The following NUBPL variants were observed in gnomAD, a reference collection of about 807,000 sequenced individuals.
NUBPL encodes the protein NUBP iron-sulfur cluster assembly factor, mitochondrial.
In NUBPL, 31 loss-of-function variants were observed where a neutral mutation model predicts 45.7. The observed-to-expected ratio is 0.68, with a 90% CI of 0.51 to 0.92. The LOEUF is 0.92. Among genes scored for constraint, NUBPL ranks in the 40% least tolerant of loss-of-function variants. The pLI is 0.00. For missense variants in NUBPL, 401 were observed against 398.7 expected (o/e 1.01, Z -0.05); for synonymous variants, 144 against 140.9 (o/e 1.02, Z -0.15).
chr14:31,819,604 C>G (rs2039980742), intron 7 of NUBPL, among the ~76,000 whole-genome samples: 1 of 152,178 alleles, frequency 6.6e-6, no homozygotes. Context: ...ACTCTGAACT[C>G]TGACCCAAAT....
chr14:31,703,769 G>A (rs888159077), intron 6 of NUBPL, among the ~76,000 whole-genome samples: 1 of 152,212 alleles, frequency 6.6e-6, no homozygotes, highest in Non-Finnish European at 1.5e-5. Flanking sequence ...ACAGAGCCAA[G>A]CCATATCAAT....
At chr14:31,776,806 A>G (rs988255821) in intron 6 of NUBPL, among the ~76,000 whole-genome samples, 1 of 152,224 alleles carries the variant, frequency 6.6e-6, no homozygotes. Flanking sequence ...CACTCTAGCT[A>G]GTTCCTGCTG....
intron 7 of NUBPL, among the ~76,000 whole-genome samples, chr14:31,804,001 C>T (rs912211574): frequency 6.6e-6 from 1 of 152,106 alleles, no homozygotes; most frequent in Admixed American, 6.6e-5. Context: ...TCAAGGGATT[C>T]TCCCACCTTA....
At position 31,853,111 on chromosome 14, in the gene NUBPL, T is replaced by TG. The variant is rs2040565656; in HGVS notation, c.897+2911dup. Among the ~76,000 whole-genome samples the TG allele has an allele frequency of 4.0e-5, 6 of 150,282 alleles. No individual in the cohort carries two copies. The South Asian group carries it at 1.3e-3, about 31-fold the overall frequency. ...TGTTTTGTTTTGTTTTGTTTTGTTT[T>TG]GTTTTGTTTGAGACAGGATCTTACT... On this transcript the variant is annotated intron_variant, in intron 10 of 10. Transcript: ENST00000281081.
chr14:31,794,004 G>T (rs1365916708), intron 7 of NUBPL, among the ~76,000 whole-genome samples: 1 of 91,304 alleles, frequency 1.1e-5, no homozygotes, highest in African/African-American at 4.6e-5. Context: ...TCTTGCGATA[G>T]TTTACTGAGA....
chr14:31,760,144 T>TGTGTGTGTGTGTGTGTGTGTGTGTGA, intron 6 of NUBPL, among the ~76,000 whole-genome samples: 1 of 34,840 alleles, frequency 2.9e-5, no homozygotes, highest in Non-Finnish European at 5.4e-5. Flanking sequence ...TGTGTGTGTG[T>TGTGTGTGTGTGTGTGTGTGTGTGTGA]GAGAGAGAGA....
chr14:31,840,586 A>G (rs1237906740), intron 8 of NUBPL, among the ~76,000 whole-genome samples: 2 of 119,744 alleles, frequency 1.7e-5, no homozygotes, highest in Non-Finnish European at 3.9e-5. Context: ...AAAAAAAAAA[A>G]AAAAGAAAAA....
At chr14:31,582,773 C>T (rs1566427228) in intron 3 of NUBPL, among the ~76,000 whole-genome samples, 1 of 151,876 alleles carries the variant, frequency 6.6e-6, no homozygotes, top group Non-Finnish European at 1.5e-5. Context: ...CATGTCTTTA[C>T]AAAAGTAGCC....
At chr14:31,734,941 A>G (rs1041178654) in intron 6 of NUBPL, among the ~76,000 whole-genome samples, 15 of 152,178 alleles carry the variant, frequency 9.9e-5, no homozygotes, top group Admixed American at 2.6e-4. Context: ...ATTAAGTTTT[A>G]TAGTCCCTAC....
chr14:31,701,879 T>A (rs2037348126), intron 6 of NUBPL, among the ~76,000 whole-genome samples: 1 of 152,210 alleles, frequency 6.6e-6, no homozygotes, highest in Non-Finnish European at 1.5e-5. Context: ...TTGGATTACT[T>A]TCAAATCATT....
chr14:31,834,660 C>A (rs958228465), intron 8 of NUBPL, among the ~76,000 whole-genome samples: 1 of 152,146 alleles, frequency 6.6e-6, no homozygotes, highest in African/African-American at 2.4e-5. Context: ...TCTCAGAAGT[C>A]TATGTATGCT....
At chr14:31,800,073 A>G (rs2039556405) in intron 7 of NUBPL, among the ~76,000 whole-genome samples, 1 of 152,052 alleles carries the variant, frequency 6.6e-6, no homozygotes, top group Admixed American at 6.6e-5. Flanking sequence ...TTTCTTTGCT[A>G]ATTCATAAGG....
chr14:31,826,437 A>C lies in NUBPL; in HGVS notation c.608-192A>C, dbSNP rs76498669. Among the ~76,000 whole-genome samples the C allele has an allele frequency of 7.9e-3, 1,202 of 152,200 alleles. 17 individuals are homozygous for C. The highest frequency in any genetic ancestry group is 0.027 in the African/African-American group (1,121 of 41,538). On this transcript the variant is annotated intron_variant, in intron 7 of 10. Transcript: ENST00000281081. ...TGCCCGGCCCAGTTGTGATTTTAGA[A>C]GTGAGGATTCAAAGGTAGGCCAAAA...
chr14:31,808,433 G>A (rs1241709205), intron 7 of NUBPL, among the ~76,000 whole-genome samples: 6 of 152,216 alleles, frequency 3.9e-5, no homozygotes, highest in African/African-American at 1.4e-4. Flanking sequence ...TGTTATTTGT[G>A]TATACGAATG....
At chr14:31,839,223 A>G (rs2040331087) in intron 8 of NUBPL, among the ~76,000 whole-genome samples, 1 of 152,178 alleles carries the variant, frequency 6.6e-6, no homozygotes, top group Admixed American at 6.5e-5. Context: ...ATAAAAGGGC[A>G]CAAATTATAG....
intron 6 of NUBPL, among the ~76,000 whole-genome samples, chr14:31,708,695 A>G (rs981605354): frequency 2.6e-5 from 4 of 152,156 alleles, no homozygotes; most frequent in African/African-American, 9.7e-5. Flanking sequence ...GAGGAAGTCA[A>G]TTTCCTGGCC....
intron 7 of NUBPL, among the ~76,000 whole-genome samples, chr14:31,801,940 A>C (rs565703767): frequency 3.3e-5 from 5 of 152,296 alleles, no homozygotes; most frequent in African/African-American, 1.2e-4. Flanking sequence ...TAATATGTTG[A>C]ATATTCATGG....
At chr14:31,813,358 A>G (rs12432377) in intron 7 of NUBPL, among the ~76,000 whole-genome samples, 53,458 of 151,648 alleles carry the variant, frequency 0.35, 10,138 homozygotes, top group South Asian at 0.44. Context: ...TCACTCCATT[A>G]TACTGAAGAG....
At chr14:31,673,161 G>A (rs1203734102) in intron 4 of NUBPL, among the ~76,000 whole-genome samples, 194 bp from the exon 5 acceptor site, 2 of 151,974 alleles carry the variant, frequency 1.3e-5, no homozygotes, top group Non-Finnish European at 1.5e-5. Context: ...TAATTAGCAT[G>A]GTTTATTATT....
Sources: gnomAD v4.1 joint callset for allele counts (sites outside exome capture counted in the v4.1 genomes callset) on GRCh38, gnomAD v4.1.1 for gene constraint, MANE v1.5 for transcripts, NCBI Gene and HGNC (gene_info 2026-07-23, HGNC 2026-07-21) for gene names.